The following SUCO variants were observed in gnomAD, a reference collection of about 807,000 sequenced individuals.
SUCO encodes the protein SUN domain-containing ossification factor.
In SUCO, 57 loss-of-function variants were observed where a neutral mutation model predicts 148.1. The observed-to-expected ratio is 0.38, with a 90% CI of 0.31 to 0.48. SUCO has a LOEUF of 0.48. SUCO is among the 20% of genes least tolerant of loss of function. The pLI is 0.96. For synonymous variants in SUCO, 470 were observed against 502.7 expected, an observed-to-expected ratio of 0.93 and a Z score of 0.87; for missense variants, 1,331 against 1,468.2, an observed-to-expected ratio of 0.91 and a Z score of 1.53.
intron 13 of SUCO, 106 bp downstream of exon 13, chr1:172,577,925 C>T: frequency 1.3e-6 from 1 of 777,832 alleles, no homozygotes; most frequent in Non-Finnish European, 2.0e-6. Flanking sequence ...TGAGTTAATA[C>T]CATAGAAATA....
At chr1:172,602,814 T>C in intron 22 of SUCO, 27 bp downstream of exon 22, 1 of 1,546,892 alleles carries the variant, frequency 6.5e-7, no homozygotes, top group Non-Finnish European at 8.9e-7. Flanking sequence ...ATATAATATG[T>C]ATATATAAAC....
chr1:172,580,904 C>T (rs1057409769), intron 15 of SUCO, among the ~76,000 whole-genome samples: 1 of 152,120 alleles, frequency 6.6e-6, no homozygotes, highest in Non-Finnish European at 1.5e-5. Context: ...GAGTTTGAGA[C>T]CAGCCTGGCC....
At chr1:172,568,645 C>T (rs552426531) in intron 6 of SUCO, among the ~76,000 whole-genome samples, 5 of 152,098 alleles carry the variant, frequency 3.3e-5, no homozygotes, top group Admixed American at 6.5e-5. Context: ...AATTATCTAG[C>T]TTCCTTTAAT....
At chr1:172,543,172 T>A (rs999489803) in intron 1 of SUCO, 1 of 227,364 alleles carries the variant, frequency 4.4e-6, no homozygotes, top group Non-Finnish European at 7.3e-6. Flanking sequence ...TTTCAAAGGC[T>A]CCTTGAAGGA....
intron 22 of SUCO, among the ~76,000 whole-genome samples, chr1:172,604,069 C>T (rs559360712): frequency 2.6e-5 from 4 of 151,880 alleles, no homozygotes; most frequent in African/African-American, 9.6e-5. Flanking sequence ...ATGAATTTGC[C>T]CTTCTATCAG....
chr1:172,587,859 T>C (rs1656348809), intron 17 of SUCO, among the ~76,000 whole-genome samples: 1 of 152,106 alleles, frequency 6.6e-6, no homozygotes, highest in Non-Finnish European at 1.5e-5. Context: ...TGTATAAGGC[T>C]ACACCCAGTA....
At position 172,574,027 on chromosome 1, in the gene SUCO, C is replaced by G. The variant is rs747552861; in HGVS notation, c.1157+29C>G. On this transcript the variant is annotated intron_variant, in intron 10 of 23. Transcript: ENST00000263688. Reference sequence around the variant, plus strand: ...AATTCTAAAGCTGTTTCTATAGGGTCTATGTTGGATCTCTGAAAAAAAGAA... The same window carrying G: ...AATTCTAAAGCTGTTTCTATAGGGTGTATGTTGGATCTCTGAAAAAAAGAA... 1.9e-5 allele frequency: 25 copies of G among 1,282,572 alleles called. No individual in the cohort carries two copies. In the South Asian group the frequency reaches 3.1e-4, roughly 16 times the overall value. The allele number at this position is 1,282,572 out of a possible 1,614,324, so 79.4% of individuals were successfully genotyped here. A position where few individuals can be genotyped will look rare whatever the true frequency, so the allele number is the denominator to read the frequency against.
chr1:172,588,385 G>A (rs1177889765), intron 17 of SUCO: 26 of 985,104 alleles, frequency 2.6e-5, no homozygotes, highest in Non-Finnish European at 3.0e-5. Flanking sequence ...AATTTCTGAT[G>A]TGTAAGGGAT....
At chr1:172,586,167 G>A (rs552035403) in intron 17 of SUCO, among the ~76,000 whole-genome samples, 2 of 132,518 alleles carry the variant, frequency 1.5e-5, no homozygotes, top group Non-Finnish European at 3.6e-5. Context: ...ACTTTTTTTG[G>A]GGGGGGTATT....
At chr1:172,568,305 TCCCACCC>T in intron 6 of SUCO, 1 of 905,998 alleles carries the variant, frequency 1.1e-6, no homozygotes, top group Non-Finnish European at 1.3e-6. Flanking sequence ...ATTCTTTGCT[TCCCACCC>T]ACCCCATCCC....
rs1416049970 is a variant in SUCO, at chr1:172,553,282, A to G, written c.200A>G (p.Asn67Ser). ...QKKDEREGPI[N>S]AESLGKSGSN... ...TAGGATGAAAGAGAGGGACCTATCA[A>G]TGCCGAATCATTGGGAAAATCAGGT... Residue 67 changes from asparagine to serine, a missense_variant, in exon 3 of 24, where the codon AAT becomes AGT. Asn to Ser is a conservative substitution (Grantham distance 46). This residue lies in a region of SUCO where 992 missense variants were observed against 1,093.5 expected (regional missense o/e 0.91). Coordinates refer to ENST00000263688, the MANE Select transcript of SUCO (RefSeq NM_014283.5). 1 of 1,597,826 alleles carries G rather than the reference A, an allele frequency of 6.3e-7. No homozygotes were observed. The highest frequency in any genetic ancestry group is 8.5e-7 in the Non-Finnish European group (1 of 1,169,840).
intron 6 of SUCO, among the ~76,000 whole-genome samples, chr1:172,566,657 C>G (rs1301074794): frequency 4.6e-5 from 7 of 152,228 alleles, no homozygotes. Context: ...GCAGTCATAC[C>G]CACTTTTAAT....
At chr1:172,591,948 C>T (rs1033202022) in intron 19 of SUCO, among the ~76,000 whole-genome samples, 1 of 152,144 alleles carries the variant, frequency 6.6e-6, no homozygotes, top group Non-Finnish European at 1.5e-5. Flanking sequence ...CCTGTTGTTT[C>T]CTGACTTTTT....
At chr1:172,602,458 G>T in intron 21 of SUCO, 2 of 981,990 alleles carry the variant, frequency 2.0e-6, no homozygotes, top group Non-Finnish European at 1.2e-6. Flanking sequence ...ATATTTGGTT[G>T]AGAAAGATGC....
intron 4 of SUCO, 136 bp from the exon 5 acceptor site, chr1:172,557,144 G>A: frequency 1.4e-6 from 2 of 1,402,598 alleles, no homozygotes; most frequent in Non-Finnish European, 1.9e-6. Flanking sequence ...GATCAAGTCA[G>A]CAATTGACTT....
Position 172,608,724 on chromosome 1 carries a change from C to CT in SUCO, c.3266-9dup, listed in dbSNP as rs372623434. On this transcript the variant is annotated intron_variant, in intron 22 of 23. Transcript: ENST00000263688. ...AAATCCACTTTACATTTTACATCTG[C>CT]TTTTTTTTTTTTTTACTTACAGTAG... The CT allele has an allele frequency of 0.029, 38,680 of 1,348,336 alleles. 266 individuals carry two copies. Among genetic ancestry groups the CT allele is most frequent in the African/African-American group, 0.11 (7,475 of 65,694 alleles). The allele number at this position is 1,348,336 out of a possible 1,614,324, so 83.5% of individuals were successfully genotyped here.
At chr1:172,540,955 G>A (rs1321759310) in intron 1 of SUCO, among the ~76,000 whole-genome samples, 1 of 152,132 alleles carries the variant, frequency 6.6e-6, no homozygotes. Context: ...TAAAGATTCA[G>A]CAAGAAAAGT....
chr1:172,560,266 C>T (rs1286656260), intron 6 of SUCO, among the ~76,000 whole-genome samples: 1 of 152,160 alleles, frequency 6.6e-6, no homozygotes, highest in Non-Finnish European at 1.5e-5. Flanking sequence ...TTGAGACTTG[C>T]GAAGGCAGTT....
chr1:172,576,303 T>C (rs1178231756), intron 11 of SUCO, among the ~76,000 whole-genome samples: 4 of 151,720 alleles, frequency 2.6e-5, no homozygotes. Context: ...ATTTTTGGAA[T>C]GGCAGCAGTT....
Sources: gnomAD v4.1 joint callset for allele counts (sites outside exome capture counted in the v4.1 genomes callset) on GRCh38, gnomAD v4.1.1 for gene constraint, gnomAD v4.1.1 regional missense constraint, MANE v1.5 for transcripts, NCBI Gene and HGNC (gene_info 2026-07-23, HGNC 2026-07-21) for gene names.